Variants in CCDC138 observed in about 807,000 individuals in gnomAD.
The protein encoded by CCDC138 is coiled-coil domain containing 138.
Under a neutral mutation model 82.3 loss-of-function variants are expected in CCDC138, and 66 were observed. The ratio of observed to expected loss-of-function variants is 0.80; its 90% CI spans 0.66 to 0.98. The LOEUF (loss-of-function observed/expected upper bound fraction) is 0.98, where lower values mean the gene tolerates loss of function less well. Among genes scored for constraint, CCDC138 ranks in the 50% least tolerant of loss-of-function variants. The pLI is 0.00. For synonymous variants in CCDC138, 297 were observed against 265.4 expected (o/e 1.12, Z -1.16); for missense variants, 816 against 758.9 (o/e 1.08, Z -0.88).
At chr2:108,813,745 A>G (rs1030001733) in intron 9 of CCDC138, among the ~76,000 whole-genome samples, 3 of 152,218 alleles carry the variant, frequency 2.0e-5, no homozygotes, top group Admixed American at 1.3e-4. Flanking sequence ...ATCCTAGAAT[A>G]TAGAACTTTC....
chr2:108,812,788 G>C lies in CCDC138; in HGVS notation c.934-32G>C, dbSNP rs755886235. 8.7e-6 allele frequency: 14 copies of C among 1,611,538 alleles called. No individual in the cohort carries two copies. In the South Asian group the frequency reaches 1.5e-4, roughly 18 times the overall value. Reference sequence around the variant, plus strand: ...TGAGTTTACTCATTTAGATACAATTGTTCTTTAATTCACGCATATATACTG... The same window carrying C: ...TGAGTTTACTCATTTAGATACAATTCTTCTTTAATTCACGCATATATACTG... On this transcript the variant is annotated intron_variant, in intron 8 of 14. Coordinates refer to ENST00000295124, the MANE Select transcript of CCDC138 (RefSeq NM_144978.3).
intron 11 of CCDC138, among the ~76,000 whole-genome samples, chr2:108,845,022 A>G (rs1419638091): frequency 6.6e-6 from 1 of 152,066 alleles, no homozygotes; most frequent in African/African-American, 2.4e-5. Flanking sequence ...CTGGGATTAC[A>G]GGCGTGAGCC....
chr2:108,873,857 G>C (rs1464324114), intron 14 of CCDC138, among the ~76,000 whole-genome samples: 1 of 152,054 alleles, frequency 6.6e-6, no homozygotes, highest in East Asian at 1.9e-4. Flanking sequence ...GCTGCAGGTT[G>C]GACAAGCTTG....
At chr2:108,881,437 C>T (rs746083335), downstream of CCDC138, among the ~76,000 whole-genome samples, 7 of 152,232 alleles carry the variant, frequency 4.6e-5, no homozygotes, top group Non-Finnish European at 8.8e-5. Flanking sequence ...TCCTTATCAG[C>T]AATAAGGCTG....
intron 14 of CCDC138, among the ~76,000 whole-genome samples, chr2:108,875,835 G>A (rs550685513): frequency 2.0e-5 from 3 of 152,128 alleles, no homozygotes; most frequent in Non-Finnish European, 4.4e-5. Flanking sequence ...CTCCACCTGG[G>A]TGCCAGAATA....
chr2:108,838,092 T>A (rs1688869725), intron 10 of CCDC138, among the ~76,000 whole-genome samples: 1 of 152,140 alleles, frequency 6.6e-6, no homozygotes, highest in Non-Finnish European at 1.5e-5. Context: ...TACTAAGCTC[T>A]AGGGGTGGTC....
chr2:108,809,251 A>G (rs1004409276), intron 7 of CCDC138, among the ~76,000 whole-genome samples: 1 of 152,124 alleles, frequency 6.6e-6, no homozygotes, highest in Non-Finnish European at 1.5e-5. Flanking sequence ...AGGTAGTGTA[A>G]TGCCTCCAGT....
chr2:108,837,640 T>A (rs1210201765), intron 10 of CCDC138, among the ~76,000 whole-genome samples: 7 of 152,234 alleles, frequency 4.6e-5, no homozygotes, highest in Admixed American at 4.6e-4. Context: ...AACAAACCTG[T>A]GCTGCCAGTT....
At chr2:108,845,943 A>G (rs1207697192) in intron 11 of CCDC138, among the ~76,000 whole-genome samples, 2 of 152,048 alleles carry the variant, frequency 1.3e-5, no homozygotes, top group Non-Finnish European at 2.9e-5. Context: ...TCATGCTACT[A>G]TTTCTATTTT....
Position 108,876,118 on chromosome 2 carries a change from G to A in CCDC138, c.1863G>A (p.Thr621=), listed in dbSNP as rs750968808. The change falls in exon 15 of 15, where the codon ACG becomes ACA. Residue 621 remains threonine, a synonymous_variant. Coordinates refer to ENST00000295124, the MANE Select transcript of CCDC138 (RefSeq NM_144978.3). ...KSNKKLFELF[T]IHLMLQEIQR... is the part of the protein sequence containing the mutation. ...ATAAGAAGCTCTTTGAACTTTTTAC[G>A]ATTCATCTGATGCTTCAAGAAATAC... The A allele has an allele frequency of 1.4e-5, 22 of 1,602,154 alleles. No homozygotes were observed. The highest frequency in any genetic ancestry group is 2.2e-5 in the East Asian group (1 of 44,724).
intron 1 of CCDC138, among the ~76,000 whole-genome samples, 168 bp downstream of exon 1, chr2:108,787,083 G>T (rs1678961388): frequency 6.6e-6 from 1 of 152,004 alleles, no homozygotes; most frequent in African/African-American, 2.4e-5. Context: ...AGGGGCGGGC[G>T]TTGCGCTGCG....
intron 10 of CCDC138, among the ~76,000 whole-genome samples, chr2:108,836,903 A>G (rs954493556): frequency 2.0e-5 from 3 of 149,086 alleles, no homozygotes; most frequent in African/African-American, 7.4e-5. Flanking sequence ...GATTTTTAGT[A>G]TTGATTTTGT....
At chr2:108,825,990 A>G (rs1382753199) in intron 10 of CCDC138, among the ~76,000 whole-genome samples, 1 of 152,132 alleles carries the variant, frequency 6.6e-6, no homozygotes, top group Admixed American at 6.6e-5. Context: ...GTTTTCATTC[A>G]TGTTTCCCTG....
chr2:108,808,062 T>C (rs547496848), intron 7 of CCDC138, among the ~76,000 whole-genome samples: 3 of 152,168 alleles, frequency 2.0e-5, no homozygotes, highest in Non-Finnish European at 4.4e-5. Flanking sequence ...GAACATGTGG[T>C]ATTTATCATT....
Position 108,871,120 on chromosome 2 carries a change from G to T in CCDC138, c.1694-2331G>T, listed in dbSNP as rs982340769. ...ATGGTTGTGTTCACATGAAAAGATG[G>T]ATGAATGGATAGATAGAAGGAAATA... On this transcript the variant is annotated intron_variant, in intron 13 of 14. Coordinates refer to ENST00000295124, the MANE Select transcript of CCDC138 (RefSeq NM_144978.3). Among the ~76,000 whole-genome samples, 8 of 152,036 alleles carry T rather than the reference G, an allele frequency of 5.3e-5. 1 individual carries two copies. Among genetic ancestry groups the T allele is most frequent in the African/African-American group, 1.9e-4 (8 of 41,416 alleles).
At chr2:108,815,459 G>GTGTT (rs1684596824) in intron 9 of CCDC138, among the ~76,000 whole-genome samples, 3 of 87,366 alleles carry the variant, frequency 3.4e-5, no homozygotes, top group African/African-American at 1.1e-4. Flanking sequence ...GAGGTTTTTG[G>GTGTT]TGTTTTTTTT....
At chr2:108,810,832 G>A (rs1213606908) in intron 7 of CCDC138, among the ~76,000 whole-genome samples, 1 of 152,166 alleles carries the variant, frequency 6.6e-6, no homozygotes, top group Non-Finnish European at 1.5e-5. Flanking sequence ...TCTTTGTTGG[G>A]AAACTTTTTA....
Position 108,861,135 on chromosome 2 carries a change from A to AT in CCDC138, c.1693+4174dup, listed in dbSNP as rs1161247793. On this transcript the variant is annotated intron_variant, in intron 13 of 14. Coordinates refer to ENST00000295124, the MANE Select transcript of CCDC138 (RefSeq NM_144978.3). ...GAGATGTTCATAGTAGTCTCTGAGGATTTTTTTTTAAATTTATTTCTGTGG... is the reference window on the plus strand; with the variant it reads ...GAGATGTTCATAGTAGTCTCTGAGGATTTTTTTTTTAAATTTATTTCTGTGG... 6.7e-5 allele frequency among the ~76,000 whole-genome samples: 10 copies of AT among 149,334 alleles called. No homozygotes were observed. In the South Asian group the frequency reaches 8.5e-4, roughly 13 times the overall value.
chr2:108,831,792 G>C (rs563528130), intron 10 of CCDC138, among the ~76,000 whole-genome samples: 12 of 149,858 alleles, frequency 8.0e-5, no homozygotes, highest in Admixed American at 2.7e-4. Flanking sequence ...GAGCGCAATG[G>C]CATGATCTCG....
Sources: allele counts gnomAD v4.1 joint callset (sites outside exome capture counted in the v4.1 genomes callset), GRCh38; gene constraint gnomAD v4.1.1; transcripts MANE v1.5; gene names NCBI Gene and HGNC (gene_info 2026-07-23, HGNC 2026-07-21).